FAM13B: variants seen among roughly 807,000 people sequenced by gnomAD.
FAM13B encodes the protein family with sequence similarity 13 member B.
FAM13B carries 60 observed loss-of-function variants against 117.3 expected under a neutral mutation model. That is an observed-to-expected ratio of 0.51 (90% CI 0.42 to 0.63). The LOEUF (loss-of-function observed/expected upper bound fraction) is 0.63. Ranked by LOEUF, FAM13B falls within the 30% of genes least tolerant of loss-of-function variation. FAM13B has a pLI of 0.00. For missense variants in FAM13B, 972 were observed against 1,091.9 expected (o/e 0.89, Z 1.55); for synonymous variants, 332 against 356.1 (o/e 0.93, Z 0.76).
At chr5:137,993,265 A>G (rs987472028) in intron 7 of FAM13B, among the ~76,000 whole-genome samples, 1 of 152,134 alleles carries the variant, frequency 6.6e-6, no homozygotes, top group Non-Finnish European at 1.5e-5. Context: ...GGTTACAAGG[A>G]TATTTGCTTC....
chr5:138,036,936 G>A (rs1307599504), upstream of FAM13B: 1 of 306,364 alleles, frequency 3.3e-6, no homozygotes, highest in African/African-American at 2.2e-5. Context: ...GGTGCTATTG[G>A]CTGGTGGGAG....
At chr5:138,000,929 C>CAAAAAAAAAAAAAA (rs137895601) in intron 7 of FAM13B, among the ~76,000 whole-genome samples, 1 of 17,928 alleles carries the variant, frequency 5.6e-5, no homozygotes, top group Non-Finnish European at 1.2e-4. Flanking sequence ...GACACTGTCT[C>CAAAAAAAAAAAAAA]AAAAAACAAA....
rs1761730586 is a variant in FAM13B, at chr5:137,941,273, T to A, written c.2690+671A>T. Among the ~76,000 whole-genome samples, 4 of 152,246 alleles carry A rather than the reference T, an allele frequency of 2.6e-5. No homozygotes were observed. The South Asian group carries it at 8.3e-4, about 32-fold the overall frequency. On this transcript the variant is annotated intron_variant, in intron 23 of 23. Transcript: ENST00000689681. Reference sequence around the variant, plus strand: ...AGGAGACTCACAAAGCAAAGGGAATTAAAGTACAGATATTTTAGAATTTGT... The same window carrying A: ...AGGAGACTCACAAAGCAAAGGGAATAAAAGTACAGATATTTTAGAATTTGT...
intron 7 of FAM13B, among the ~76,000 whole-genome samples, chr5:138,005,772 A>G (rs891778962): frequency 6.6e-6 from 1 of 152,158 alleles, no homozygotes; most frequent in Non-Finnish European, 1.5e-5. Context: ...GAAATGTAAT[A>G]ATTGTGTTTA....
At chr5:138,023,968 G>A (rs1787490365) in intron 1 of FAM13B, among the ~76,000 whole-genome samples, 3 of 152,154 alleles carry the variant, frequency 2.0e-5, no homozygotes, top group Non-Finnish European at 4.4e-5. Context: ...TTTCACTTGG[G>A]ACTTGTATCT....
intron 7 of FAM13B, among the ~76,000 whole-genome samples, chr5:137,992,426 T>C (rs1778839614): frequency 6.6e-6 from 1 of 151,258 alleles, no homozygotes; most frequent in Admixed American, 6.6e-5. Context: ...AAACCCCGTC[T>C]CTACTAAAAA....
At chr5:137,971,978 C>T (rs1296766273) in intron 10 of FAM13B, among the ~76,000 whole-genome samples, 1 of 150,198 alleles carries the variant, frequency 6.7e-6, no homozygotes, top group Admixed American at 6.6e-5. Flanking sequence ...CAATAGCTTA[C>T]CAACCAAAAA....
upstream of FAM13B, among the ~76,000 whole-genome samples, chr5:138,035,713 A>G (rs942356968): frequency 5.3e-5 from 8 of 152,176 alleles, no homozygotes; most frequent in Non-Finnish European, 1.0e-4. Flanking sequence ...TGCCCTAAAG[A>G]GGGGACCATA....
intron 1 of FAM13B, among the ~76,000 whole-genome samples, chr5:138,048,578 A>G (rs903121341): frequency 2.6e-5 from 4 of 152,156 alleles, no homozygotes; most frequent in Admixed American, 2.6e-4. Context: ...TACCCAAGGA[A>G]AAAGCTCCAT....
intron 1 of FAM13B, among the ~76,000 whole-genome samples, chr5:138,030,060 C>T (rs1789484568): frequency 6.6e-6 from 1 of 152,148 alleles, no homozygotes; most frequent in East Asian, 1.9e-4. Context: ...ACCACATTTT[C>T]CTCAGCCTAG....
At chr5:137,950,701 T>G (rs1055954542) in intron 17 of FAM13B, among the ~76,000 whole-genome samples, 2 of 151,888 alleles carry the variant, frequency 1.3e-5, no homozygotes, top group Admixed American at 6.6e-5. Flanking sequence ...TTAAAGATAA[T>G]TCTGACTACC....
At chr5:138,048,427 C>A (rs1318859879) in intron 1 of FAM13B, among the ~76,000 whole-genome samples, 2 of 152,116 alleles carry the variant, frequency 1.3e-5, no homozygotes, top group African/African-American at 4.8e-5. Context: ...ACCCCTAGGA[C>A]ACAGTACACT....
chr5:137,984,522 G>GTATA (rs1321233767), intron 10 of FAM13B, among the ~76,000 whole-genome samples: 1 of 152,052 alleles, frequency 6.6e-6, no homozygotes, highest in African/African-American at 2.4e-5. Context: ...TATCTCCCAT[G>GTATA]TATATATGAG....
chr5:137,997,308 A>C (rs1780108698), intron 7 of FAM13B, among the ~76,000 whole-genome samples: 1 of 151,980 alleles, frequency 6.6e-6, no homozygotes, highest in African/African-American at 2.4e-5. Context: ...TCTCTACTAA[A>C]ATTACAAAAA....
chr5:137,959,744 C>T lies in FAM13B; in HGVS notation c.1313G>A (p.Cys438Tyr), dbSNP rs1186135369. 3.7e-6 allele frequency: 6 copies of T among 1,613,730 alleles called. No individual in the cohort carries two copies. The highest frequency in any genetic ancestry group is 5.1e-6 in the Non-Finnish European group (6 of 1,179,798). ...HLILDSSSKI[C>Y]DLNANTESEV... ...TGATTCAGTGTTGGCATTCAAATCACATATCTTGCTACTAGAATCCTGTAT... is the reference window on the plus strand; with the variant it reads ...TGATTCAGTGTTGGCATTCAAATCATATATCTTGCTACTAGAATCCTGTAT... Residue 438 changes from cysteine to tyrosine, a missense_variant, in exon 13 of 24, where the codon TGT (cysteine) becomes TAT (tyrosine). Cys to Tyr is a radical substitution (Grantham distance 194). Transcript: ENST00000689681.
chr5:138,030,515 G>A (rs1789610295), intron 1 of FAM13B, among the ~76,000 whole-genome samples: 1 of 151,772 alleles, frequency 6.6e-6, no homozygotes, highest in African/African-American at 2.4e-5. Flanking sequence ...CCAAAGTGCT[G>A]GGATTACAGG....
At chr5:138,008,238 C>T (rs1269933163) in intron 6 of FAM13B, among the ~76,000 whole-genome samples, 1 of 152,042 alleles carries the variant, frequency 6.6e-6, no homozygotes, top group African/African-American at 2.4e-5. Context: ...CCCAGGAGTT[C>T]CAGACCAGCC....
chr5:138,011,041 A>C lies in FAM13B; in HGVS notation c.657T>G (p.Phe219Leu), dbSNP rs1173661131. The part of the protein sequence containing the change: ...YEFFENEEED[F>L]SSNDLSSITE... The stretch of plus-strand genomic sequence containing the variant: ...TAATTGAACTCAAATCATTAGATGA[A>C]AAATCTTCCTCTTCATTCTCAAAAA... Residue 219 changes from phenylalanine to leucine, a missense_variant, in exon 6 of 24, where the codon TTT becomes TTG. By Grantham distance (22) the Phe-to-Leu change is conservative (BLOSUM62 0). Transcript: ENST00000689681. 1.2e-6 allele frequency: 2 copies of C among 1,607,438 alleles called. No individual in the cohort carries two copies. The highest frequency in any genetic ancestry group is 4.5e-5 in the East Asian group (2 of 44,498).
chr5:138,042,811 G>A (rs1308469577), intron 1 of FAM13B, among the ~76,000 whole-genome samples: 1 of 152,188 alleles, frequency 6.6e-6, no homozygotes, highest in East Asian at 1.9e-4. Context: ...TTGACCAGGG[G>A]CCAGGCGCGG....
Sources: allele counts gnomAD v4.1 joint callset (sites outside exome capture counted in the v4.1 genomes callset), GRCh38; gene constraint gnomAD v4.1.1; transcripts MANE v1.5; gene names NCBI Gene and HGNC (gene_info 2026-07-23, HGNC 2026-07-21).